Variants in RBM6 observed in about 807,000 individuals in gnomAD.
RBM6 encodes RNA-binding protein 6.
RBM6 carries 23 observed loss-of-function variants against 140.4 expected under a neutral mutation model. The observed-to-expected ratio is 0.16, with a 90% CI of 0.12 to 0.23. The LOEUF (loss-of-function observed/expected upper bound fraction) is 0.23. Among genes scored for constraint, RBM6 ranks in the 10% least tolerant of loss-of-function variants. RBM6 has a pLI of 1.00. For missense variants in RBM6, 1,139 were observed against 1,386.7 expected, an observed-to-expected ratio of 0.82 and a Z score of 2.84; for synonymous variants, 439 against 475.6, an observed-to-expected ratio of 0.92 and a Z score of 1.00.
intron 1 of RBM6, among the ~76,000 whole-genome samples, chr3:49,944,092 C>A (rs984519218): frequency 2.6e-5 from 4 of 152,094 alleles, no homozygotes; most frequent in South Asian, 2.1e-4. Flanking sequence ...TAATAAAAAT[C>A]CAGCTTCAGA....
chr3:49,978,649 T>A (rs2085165844), intron 5 of RBM6, among the ~76,000 whole-genome samples: 1 of 152,180 alleles, frequency 6.6e-6, no homozygotes, highest in Non-Finnish European at 1.5e-5. Flanking sequence ...CCCAGGGGAA[T>A]GTGTACTCAG....
intron 6 of RBM6, among the ~76,000 whole-genome samples, chr3:50,021,739 G>GTTTTTTTTT (rs1559596492): frequency 4.0e-5 from 2 of 50,588 alleles, no homozygotes; most frequent in Non-Finnish European, 7.8e-5. Context: ...GAATTTAAGT[G>GTTTTTTTTT]CTTTTTTTTT....
chr3:50,040,495 C>T (rs868700128), intron 6 of RBM6, among the ~76,000 whole-genome samples: 2,652 of 111,992 alleles, frequency 0.024, 33 homozygotes, highest in Non-Finnish European at 0.041. Context: ...TATATATATA[C>T]ACACACACAC....
intron 19 of RBM6, among the ~76,000 whole-genome samples, chr3:50,073,531 T>C (rs771654310): frequency 8.5e-5 from 13 of 152,196 alleles, no homozygotes; most frequent in Non-Finnish European, 1.9e-4. Flanking sequence ...CTCAATACTG[T>C]TGCATTGGGG....
At chr3:49,970,027 G>A (rs1462469293) in intron 3 of RBM6, among the ~76,000 whole-genome samples, 1 of 151,692 alleles carries the variant, frequency 6.6e-6, no homozygotes, top group African/African-American at 2.4e-5. Flanking sequence ...AGCAACCTCC[G>A]CCTCCCGTGT....
At chr3:50,062,513 A>C (rs959079668) in intron 15 of RBM6, among the ~76,000 whole-genome samples, 32 of 152,032 alleles carry the variant, frequency 2.1e-4, no homozygotes, top group Non-Finnish European at 3.1e-4. Context: ...AAAAAAAAAA[A>C]AAAAACCTCT....
intron 6 of RBM6, among the ~76,000 whole-genome samples, chr3:50,023,611 G>A (rs774710930): frequency 7.5e-4 from 113 of 150,320 alleles, no homozygotes; most frequent in Non-Finnish European, 1.3e-3. Context: ...AATAATTGCT[G>A]TGATTACTCT....
chr3:50,048,445 A>G (rs2089317012), intron 7 of RBM6, 126 bp downstream of exon 7: 1 of 1,471,738 alleles, frequency 6.8e-7, no homozygotes, highest in East Asian at 2.5e-5. Flanking sequence ...AGGTCACTTC[A>G]GTTGAACAGG....
chr3:50,035,020 TTC>T (rs1322174988), intron 6 of RBM6, among the ~76,000 whole-genome samples: 43 of 144,266 alleles, frequency 3.0e-4, no homozygotes, highest in Non-Finnish European at 4.4e-4. Context: ...TCCTCTCATC[TTC>T]CCTCCCCTCC....
chr3:50,056,377 C>T (rs2089698108), intron 8 of RBM6, among the ~76,000 whole-genome samples: 1 of 152,024 alleles, frequency 6.6e-6, no homozygotes, highest in African/African-American at 2.4e-5. Context: ...TCACTGCAAG[C>T]TCTGCCTCCC....
At chr3:49,994,276 G>A (rs994474000) in intron 5 of RBM6, among the ~76,000 whole-genome samples, 2 of 151,766 alleles carry the variant, frequency 1.3e-5, no homozygotes, top group South Asian at 2.1e-4. Flanking sequence ...TTATATTGCC[G>A]AGGCTGGGAC....
chr3:50,037,040 T>C (rs931929819), intron 6 of RBM6, among the ~76,000 whole-genome samples: 4 of 152,074 alleles, frequency 2.6e-5, no homozygotes, highest in African/African-American at 9.7e-5. Context: ...CACCTTGGCC[T>C]CCCAAAAAGC....
chr3:49,951,725 G>T (rs1575525507), intron 1 of RBM6, among the ~76,000 whole-genome samples: 1 of 143,906 alleles, frequency 6.9e-6, no homozygotes, highest in Admixed American at 7.1e-5. Context: ...TTATTTTTTT[G>T]TTGTTCTGTT....
In RBM6 at chr3:49,952,193, G is replaced by T. The variant is rs189097180; in HGVS notation, c.-66-10383G>T. Among the ~76,000 whole-genome samples the T allele has an allele frequency of 1.9e-3, 291 of 151,488 alleles. 1 individual carries two copies. Among genetic ancestry groups the T allele is most frequent in the African/African-American group, 6.8e-3 (281 of 41,314 alleles). ...AGGACTACAGGTGTGTGCCACCATG[G>T]CTAATTTTTGTATTTTTAGTAGAGA... On this transcript the variant is annotated intron_variant, in intron 1 of 20. Transcript: ENST00000266022.
intron 6 of RBM6, among the ~76,000 whole-genome samples, chr3:50,014,867 T>C (rs2087034129): frequency 6.6e-6 from 1 of 151,908 alleles, no homozygotes; most frequent in Admixed American, 6.6e-5. Flanking sequence ...AGGTAATATG[T>C]GTTCATTAAT....
At chr3:50,066,590 G>A (rs2090129303) in intron 17 of RBM6, 88 bp downstream of exon 17, 4 of 1,482,134 alleles carry the variant, frequency 2.7e-6, no homozygotes, top group Non-Finnish European at 3.6e-6. Context: ...CACTTTGGGA[G>A]GCCGAGGCGG....
intron 19 of RBM6, 75 bp from the exon 20 acceptor site, chr3:50,075,126 A>G: frequency 6.4e-7 from 1 of 1,553,070 alleles, no homozygotes; most frequent in Non-Finnish European, 8.7e-7. Context: ...ATTGCACTCC[A>G]GCCTGGGCAA....
intron 8 of RBM6, among the ~76,000 whole-genome samples, chr3:50,056,293 T>G (rs907295388): frequency 1.3e-5 from 2 of 151,446 alleles, no homozygotes; most frequent in Non-Finnish European, 2.9e-5. Flanking sequence ...TAGTTTTTTG[T>G]TTTTTTTCTT....
intron 19 of RBM6, among the ~76,000 whole-genome samples, chr3:50,074,189 T>C (rs13063317): frequency 6.6e-6 from 1 of 152,244 alleles, no homozygotes; most frequent in South Asian, 2.1e-4. Flanking sequence ...TTGTCTTTTG[T>C]GTCTCCTTGC....
Sources: gnomAD v4.1 joint callset for allele counts (sites outside exome capture counted in the v4.1 genomes callset) on GRCh38, gnomAD v4.1.1 for gene constraint, MANE v1.5 for transcripts, NCBI Gene and HGNC (gene_info 2026-07-23, HGNC 2026-07-21) for gene names.